The following CAD variants were observed in gnomAD, a reference collection of about 807,000 sequenced individuals.
The protein encoded by CAD is carbamoyl-phosphate synthetase 2, aspartate transcarbamylase, and dihydroorotase, also known as multifunctional protein CAD.
In CAD, 81 loss-of-function variants were observed where a neutral mutation model predicts 237.2. That is an observed-to-expected ratio of 0.34 (90% confidence interval 0.29 to 0.41). The LOEUF (loss-of-function observed/expected upper bound fraction) is 0.41, where lower values mean the gene tolerates loss of function less well. Among genes scored for constraint, CAD ranks in the 10% least tolerant of loss-of-function variants. The probability of loss-of-function intolerance (pLI) is 1.00; values close to 1 mark genes in which losing one functional copy is unlikely to be tolerated. For missense variants in CAD, 2,181 were observed against 2,951.7 expected (o/e 0.74, Z 6.05); for synonymous variants, 1,196 against 1,162.8 (o/e 1.03, Z -0.58).
rs1438673444 is a variant in CAD at position 27,240,394 on chromosome 2, T to C, written c.5593+33T>C. On this transcript the variant is annotated intron_variant, in intron 35 of 43. Transcript: ENST00000264705. The surrounding 1 kb of genome is among the most constrained non-coding windows in gnomAD (Gnocchi z 4.6). ...TGGGGTTCCTGTGACTCAGAGACTGTGTAGGGACAGGATCCACTTCTTCCC... is the reference window on the plus strand; with the variant it reads ...TGGGGTTCCTGTGACTCAGAGACTGCGTAGGGACAGGATCCACTTCTTCCC... 1 of 1,589,716 alleles carries C rather than the reference T, an allele frequency of 6.3e-7. No individual in the cohort carries two copies. Among genetic ancestry groups the C allele is most frequent in the East Asian group, 2.2e-5 (1 of 44,728 alleles).
At chr2:27,224,964 C>T (rs1675360486) in intron 10 of CAD, 46 bp from the exon 11 acceptor site, 1 of 1,606,378 alleles carries the variant, frequency 6.2e-7, no homozygotes, top group Non-Finnish European at 8.5e-7. Context: ...GATTGCCTCT[C>T]TACCCACAAG....
At chr2:27,238,393 G>T in intron 30 of CAD, 38 bp from the exon 31 acceptor site, 1 of 1,529,602 alleles carries the variant, frequency 6.5e-7, no homozygotes, top group Non-Finnish European at 8.8e-7. Context: ...CAAGGCATAT[G>T]GGTGGTGCCT....
rs1228828506 is a variant in CAD at position 27,240,526 on chromosome 2, C to T, written c.5593+165C>T. 1.3e-5 allele frequency: 20 copies of T among 1,542,760 alleles called. No homozygotes were observed. Among genetic ancestry groups the T allele is most frequent in the Non-Finnish European group, 1.7e-5 (19 of 1,139,604 alleles). On this transcript the variant is annotated intron_variant, in intron 35 of 43. Coordinates refer to ENST00000264705, the MANE Select transcript of CAD (RefSeq NM_004341.5). The surrounding 1 kb of genome is among the most constrained non-coding windows in gnomAD (Gnocchi z 4.6). ...AACAAGTCTCCCCGGTGTGAGTAGA[C>T]ATCTCACAGCTTCTCACATGCCCTT...
chr2:27,223,898 G>A lies in CAD; in HGVS notation c.996-19G>A. 1 of 1,594,942 alleles carries A rather than the reference G, an allele frequency of 6.3e-7. No homozygotes were observed. On this transcript the variant is annotated intron_variant, in intron 7 of 43. Coordinates refer to ENST00000264705, the MANE Select transcript of CAD (RefSeq NM_004341.5). ...TGCCAGGGACCATGATGGTTTTCAT[G>A]ATGCAATCTCTTCAATAGTGTCCAG...
Position 27,217,390 on chromosome 2 carries a change from G to C in CAD, c.-162G>C. 1 of 650,148 alleles carries C rather than the reference G, an allele frequency of 1.5e-6. No individual in the cohort carries two copies. Among genetic ancestry groups the C allele is most frequent in the South Asian group, 1.7e-5 (1 of 57,236 alleles). 40.3% of individuals were successfully genotyped at this position (650,148 alleles called of 1,614,324 possible). A position where few individuals can be genotyped will look rare whatever the true frequency, so the allele number is the denominator to read the frequency against. ...CCGCAGTCTCTGCTGCTGCCGCCAA[G>C]CGCGCCCGAGGCTCCTACGCTGCCG... is the stretch of plus-strand genomic sequence containing the variant. On this transcript the variant is annotated 5_prime_UTR_variant, in exon 1 of 44. Coordinates refer to ENST00000264705, the MANE Select transcript of CAD (RefSeq NM_004341.5).
Position 27,240,333 on chromosome 2 carries a change from C to A in CAD, c.5565C>A (p.Ile1855=), listed in dbSNP as rs764452729. 1 of 1,614,172 alleles carries A rather than the reference C, an allele frequency of 6.2e-7. No individual in the cohort carries two copies. Among genetic ancestry groups the A allele is most frequent in the South Asian group, 1.1e-5 (1 of 91,082 alleles). Residue 1855 remains isoleucine (I), a synonymous_variant, in exon 35 of 44, where the codon ATC becomes ATA. Transcript: ENST00000264705. This position sits in a 1 kb window ranked among gnomAD's most constrained non-coding sequence, Gnocchi z 4.6. The part of the protein sequence containing the change: ...PDGRFHLPPR[I]HRASDPGLPA... ...GCCGCTTCCATCTGCCGCCCCGAATCCATCGAGCCTCCGACCCAGGTTTGC... is the reference window on the plus strand; with the variant it reads ...GCCGCTTCCATCTGCCGCCCCGAATACATCGAGCCTCCGACCCAGGTTTGC...
rs185486115 is a variant in CAD at position 27,243,053 on chromosome 2, G to A, written c.6480+80G>A. 262 of 1,381,518 alleles carry A rather than the reference G, an allele frequency of 1.9e-4. No homozygotes were observed. In the African/African-American group the frequency reaches 3.3e-3, roughly 18 times the overall value. The allele number at this position is 1,381,518 out of a possible 1,614,324, so 85.6% of individuals were successfully genotyped here. On this transcript the variant is annotated intron_variant, in intron 42 of 43. Coordinates refer to ENST00000264705, the MANE Select transcript of CAD (RefSeq NM_004341.5). The stretch of plus-strand genomic sequence containing the variant: ...TGAGGACAGAAAGGCTGGGCTGAGG[G>A]CTGGGTCAGAGCTGTTAAACTTCAC...
intron 15 of CAD, among the ~76,000 whole-genome samples, chr2:27,229,963 C>T (rs572286211): frequency 1.3e-5 from 2 of 151,488 alleles, no homozygotes; most frequent in South Asian, 2.1e-4. Context: ...GTTGGTTGGG[C>T]GCAGTGGCAC....
chr2:27,243,923 G>A lies in CAD; in HGVS notation c.*405G>A. 1 of 191,902 alleles carries A rather than the reference G, an allele frequency of 5.2e-6. No homozygotes were observed. 11.9% of individuals were successfully genotyped at this position (191,902 alleles called of 1,614,324 possible). A position where few individuals can be genotyped will look rare whatever the true frequency, so the allele number is the denominator to read the frequency against. The stretch of plus-strand genomic sequence containing the variant: ...CATTTTCACACTCGTGACTCTTTGG[G>A]ACTCGGCAGGAGCGTGTTAACTCTG... On this transcript the variant is annotated 3_prime_UTR_variant, in exon 44 of 44. Coordinates refer to ENST00000264705, the MANE Select transcript of CAD (RefSeq NM_004341.5).
intron 2 of CAD, among the ~76,000 whole-genome samples, chr2:27,220,790 C>T (rs1349996189): frequency 6.6e-6 from 1 of 152,000 alleles, no homozygotes; most frequent in Non-Finnish European, 1.5e-5. Context: ...AACCCCGTCT[C>T]TACTAAAAAT....
rs1675210966 is a variant in CAD at position 27,222,291 on chromosome 2, C to T, written c.450C>T (p.Phe150=). Residue 150 remains phenylalanine, a synonymous_variant, in exon 4 of 44, where the codon TTC becomes TTT. Transcript: ENST00000264705. ...GAACAGAACCTTCATCCCTGCCATT[C>T]TTGGACCCCAATGCCCGCCCCCTGG... ...QNGTEPSSLP[F]LDPNARPLVP... is the part of the protein sequence containing the mutation. 1 of 1,613,790 alleles carries T rather than the reference C, an allele frequency of 6.2e-7. No homozygotes were observed. The highest frequency in any genetic ancestry group is 8.5e-7 in the Non-Finnish European group (1 of 1,179,718).
chr2:27,240,835 A>G lies in CAD; in HGVS notation c.5594-76A>G. 3 of 1,511,362 alleles carry G rather than the reference A, an allele frequency of 2.0e-6. No homozygotes were observed. Among genetic ancestry groups the G allele is most frequent in the Non-Finnish European group, 1.8e-6 (2 of 1,089,468 alleles). The allele number at this position is 1,511,362 out of a possible 1,614,324, so 93.6% of individuals were successfully genotyped here. ...TGGTTTAACATATACACTGTGATTC[A>G]GAGTTCCTGGGAATATGGGGTTTCT... On this transcript the variant is annotated intron_variant, in intron 35 of 43. Coordinates refer to ENST00000264705, the MANE Select transcript of CAD (RefSeq NM_004341.5). This position sits in a 1 kb window ranked among gnomAD's most constrained non-coding sequence, Gnocchi z 4.6.
intron 23 of CAD, 72 bp downstream of exon 23, chr2:27,234,757 T>C: frequency 6.9e-7 from 1 of 1,447,324 alleles, no homozygotes; most frequent in Non-Finnish European, 9.5e-7. Context: ...CACAGAGTTG[T>C]CAGTATGTAA....
In CAD at chr2:27,224,015, C is replaced by A. The variant is rs1675312831; in HGVS notation, c.1094C>A (p.Pro365His). Residue 365 changes from proline to histidine, a missense_variant, in exon 8 of 44, where the codon CCT becomes CAT. By Grantham distance (77) the Pro-to-His change is moderately conservative. Coordinates refer to ENST00000264705, the MANE Select transcript of CAD (RefSeq NM_004341.5). The stretch of plus-strand genomic sequence containing the variant: ...GTGAAAGAGGCCACAGCTGGGAACC[C>A]TGGGGGCCAGACAGGTAAGATCCTG... ...ETVKEATAGNPGGQTVRERLT... is the reference protein window; with the variant it reads ...ETVKEATAGNHGGQTVRERLT... 1 of 1,612,516 alleles carries A rather than the reference C, an allele frequency of 6.2e-7. No individual in the cohort carries two copies. The highest frequency in any genetic ancestry group is 8.5e-7 in the Non-Finnish European group (1 of 1,178,626).
chr2:27,240,223 G>GAAAA lies in CAD; in HGVS notation c.5497-32_5497-29dup. On this transcript the variant is annotated intron_variant, in intron 34 of 43. Coordinates refer to ENST00000264705, the MANE Select transcript of CAD (RefSeq NM_004341.5). The surrounding 1 kb of genome is among the most constrained non-coding windows in gnomAD (Gnocchi z 4.6). ...GACAGAACGAGACTCCGTCTCAAAAGAAAAAAAAAAAAACAACTCTGGGCC... is the reference window on the plus strand; with the variant it reads ...GACAGAACGAGACTCCGTCTCAAAAGAAAAAAAAAAAAAAAAACAACTCTGGGCC... 2.4e-6 allele frequency: 3 copies of GAAAA among 1,242,222 alleles called. No homozygotes were observed. The highest frequency in any genetic ancestry group is 1.1e-6 in the Non-Finnish European group (1 of 897,886). The allele number at this position is 1,242,222 out of a possible 1,614,324, so 76.9% of individuals were successfully genotyped here.
intron 1 of CAD, 28 bp downstream of exon 1, chr2:27,217,661 C>T (rs762458970): frequency 2.2e-5 from 34 of 1,565,712 alleles, no homozygotes; most frequent in African/African-American, 4.1e-5. Flanking sequence ...GGCTGCAGAC[C>T]TTATCCCACT....
At position 27,219,772 on chromosome 2, in the gene CAD, A is replaced by G. The variant is rs150162938; in HGVS notation, c.223-1446A>G. On this transcript the variant is annotated intron_variant, in intron 2 of 43. Coordinates refer to ENST00000264705, the MANE Select transcript of CAD (RefSeq NM_004341.5). ...TCCCAGCTAATTTTGTATTTTTAGT[A>G]GAGACAGGGTTTCTCCATGTTGGTC... is the stretch of plus-strand genomic sequence containing the variant. Among the ~76,000 whole-genome samples the G allele has an allele frequency of 1.3e-3, 200 of 152,056 alleles. 3 individuals carry two copies. The East Asian group carries it at 0.036, about 27-fold the overall frequency.
At chr2:27,234,457 C>T in intron 22 of CAD, 61 bp from the exon 23 acceptor site, 1 of 1,515,080 alleles carries the variant, frequency 6.6e-7, no homozygotes. Context: ...AGAGTCTAGG[C>T]CTATAGATAG....
At chr2:27,220,883 G>A (rs556834539) in intron 2 of CAD, among the ~76,000 whole-genome samples, 6 of 152,192 alleles carry the variant, frequency 3.9e-5, no homozygotes, top group African/African-American at 7.2e-5. Flanking sequence ...GCTTGAATCC[G>A]GGAGGCAGAG....
Sources: gnomAD v4.1 joint callset for allele counts (sites outside exome capture counted in the v4.1 genomes callset) on GRCh38, gnomAD v4.1.1 for gene constraint, Gnocchi (gnomAD v3.1) non-coding constraint, MANE v1.5 for transcripts, NCBI Gene and HGNC (gene_info 2026-07-23, HGNC 2026-07-21) for gene names.